LARS2: variants seen among roughly 807,000 people sequenced by gnomAD.
LARS2 encodes leucine--tRNA ligase, mitochondrial.
A neutral mutation model predicts 116.6 loss-of-function variants in LARS2; 81 were observed. That is an observed-to-expected ratio of 0.69 (90% CI 0.58 to 0.84). The LOEUF (loss-of-function observed/expected upper bound fraction) is 0.84. Ranked by LOEUF, LARS2 falls within the 40% of genes least tolerant of loss-of-function variation. The pLI is 0.00. For synonymous variants in LARS2, 396 were observed against 407.2 expected, an observed-to-expected ratio of 0.97 and a Z score of 0.33; for missense variants, 968 against 1,114.5, an observed-to-expected ratio of 0.87 and a Z score of 1.87.
At chr3:45,427,903 C>T (rs1487586969) in intron 6 of LARS2, among the ~76,000 whole-genome samples, 1 of 150,148 alleles carries the variant, frequency 6.7e-6, no homozygotes, top group East Asian at 2.0e-4. Flanking sequence ...CTCACTGCAA[C>T]CTCTGCCTCC....
chr3:45,402,177 C>T (rs1019511823), intron 4 of LARS2, among the ~76,000 whole-genome samples: 1 of 152,138 alleles, frequency 6.6e-6, no homozygotes, highest in African/African-American at 2.4e-5. Context: ...AAAATAGTAC[C>T]TGCCCCATTG....
intron 4 of LARS2, among the ~76,000 whole-genome samples, chr3:45,408,367 A>G (rs1357180082): frequency 6.6e-6 from 1 of 152,242 alleles, no homozygotes; most frequent in Non-Finnish European, 1.5e-5. Context: ...CTGGTCTTCC[A>G]TGGTAACAGC....
At chr3:45,400,435 A>G in intron 4 of LARS2, 62 bp downstream of exon 4, 1 of 1,517,598 alleles carries the variant, frequency 6.6e-7, no homozygotes, top group Non-Finnish European at 8.9e-7. Flanking sequence ...GCATGTAGTA[A>G]TATGTGTTCA....
chr3:45,462,772 A>G (rs1314452978), intron 8 of LARS2, among the ~76,000 whole-genome samples: 1 of 152,184 alleles, frequency 6.6e-6, no homozygotes, highest in Non-Finnish European at 1.5e-5. Context: ...TCTTGGGCGC[A>G]TGGCTGTGAA....
At chr3:45,438,178 C>T (rs1192112119) in intron 6 of LARS2, among the ~76,000 whole-genome samples, 1 of 152,108 alleles carries the variant, frequency 6.6e-6, no homozygotes, top group Non-Finnish European at 1.5e-5. Context: ...GTTGTTATTA[C>T]TGTTGTCATT....
Position 45,491,752 on chromosome 3 carries a change from G to GC in LARS2, c.1481dup (p.Leu495ThrfsTer31), listed in dbSNP as rs762797278. 2 of 1,613,866 alleles carry GC rather than the reference G, an allele frequency of 1.2e-6. No homozygotes were observed. Among genetic ancestry groups the GC allele is most frequent in the Non-Finnish European group, 1.7e-6 (2 of 1,179,820 alleles). ...ATCGCGTCTTTCACTGGCAAGGGAG[G>GC]CCCCCCACTGGCCATGGCTTCAGAG... On this transcript the variant is annotated frameshift_variant, in exon 13 of 22. Coordinates refer to ENST00000645846, the MANE Select transcript of LARS2 (RefSeq NM_015340.4). LOFTEE classifies it high-confidence loss of function.
At chr3:45,517,060 A>G (rs910915026) in intron 17 of LARS2, among the ~76,000 whole-genome samples, 1 of 152,166 alleles carries the variant, frequency 6.6e-6, no homozygotes, top group African/African-American at 2.4e-5. Flanking sequence ...TTGATTTCCA[A>G]CTAGCTGTGG....
chr3:45,419,825 G>C, intron 6 of LARS2, 96 bp downstream of exon 6: 1 of 973,066 alleles, frequency 1.0e-6, no homozygotes, highest in Non-Finnish European at 1.7e-6. Context: ...AGAAGGCAAG[G>C]GTGGGAGGCA....
chr3:45,477,064 T>C (rs1450886451), intron 10 of LARS2, among the ~76,000 whole-genome samples: 1 of 152,228 alleles, frequency 6.6e-6, no homozygotes, highest in African/African-American at 2.4e-5. Context: ...CTCAATTTTA[T>C]TGTTTTAAAG....
chr3:45,412,825 T>C (rs1244769923), intron 4 of LARS2, among the ~76,000 whole-genome samples: 3 of 152,260 alleles, frequency 2.0e-5, no homozygotes, highest in African/African-American at 7.2e-5. Flanking sequence ...TTTCAGTGGG[T>C]CACATCCACC....
chr3:45,437,832 T>C (rs567115221), intron 6 of LARS2, among the ~76,000 whole-genome samples: 27 of 142,352 alleles, frequency 1.9e-4, no homozygotes, highest in African/African-American at 6.5e-4. Context: ...GTACTTGGAA[T>C]ACATCGGTGG....
intron 7 of LARS2, among the ~76,000 whole-genome samples, chr3:45,448,109 A>C (rs913323670): frequency 3.3e-5 from 5 of 152,130 alleles, no homozygotes; most frequent in African/African-American, 1.2e-4. Flanking sequence ...AATTAGTCCC[A>C]GTTACTCAAG....
At chr3:45,477,447 C>G (rs910219545) in intron 10 of LARS2, among the ~76,000 whole-genome samples, 4 of 152,224 alleles carry the variant, frequency 2.6e-5, no homozygotes, top group Non-Finnish European at 5.9e-5. Flanking sequence ...CAAGACTCCT[C>G]TTGCAGGGAA....
chr3:45,430,518 G>C (rs755536537), intron 6 of LARS2, among the ~76,000 whole-genome samples: 52 of 149,648 alleles, frequency 3.5e-4, no homozygotes, highest in Non-Finnish European at 6.8e-4. Flanking sequence ...CTGACCTCGT[G>C]ATCTGCCCGC....
chr3:45,436,667 G>A (rs1383756067), intron 6 of LARS2, among the ~76,000 whole-genome samples: 1 of 151,804 alleles, frequency 6.6e-6, no homozygotes, highest in Non-Finnish European at 1.5e-5. Context: ...GGTGGCGGGC[G>A]CCTGTAGTCC....
chr3:45,420,201 C>T (rs1284405109), intron 6 of LARS2, among the ~76,000 whole-genome samples: 1 of 152,228 alleles, frequency 6.6e-6, no homozygotes, highest in Non-Finnish European at 1.5e-5. Context: ...TCAAACTGTA[C>T]ATTAAATCAG....
chr3:45,510,323 A>T (rs1459399288), intron 15 of LARS2, among the ~76,000 whole-genome samples: 3 of 151,978 alleles, frequency 2.0e-5, no homozygotes, highest in Non-Finnish European at 4.4e-5. Flanking sequence ...GTAAGGTGGG[A>T]ATATCACTTG....
chr3:45,442,285 A>C (rs1177382153), intron 6 of LARS2, among the ~76,000 whole-genome samples: 1 of 152,186 alleles, frequency 6.6e-6, no homozygotes, highest in Admixed American at 6.5e-5. Flanking sequence ...CCACAGACAC[A>C]GGGTTCCCCC....
rs547573751 is a variant in LARS2 at position 45,476,352 on chromosome 3, A to G, written c.859-116A>G. On this transcript the variant is annotated intron_variant, in intron 9 of 21. Transcript: ENST00000645846. Reference sequence around the variant, plus strand: ...TCCCCACACCCCTGGCCCAGTGGTCAGAGCTGTGGTCACTGTTGGGGAATG... The same window carrying G: ...TCCCCACACCCCTGGCCCAGTGGTCGGAGCTGTGGTCACTGTTGGGGAATG... 1.1e-4 allele frequency: 118 copies of G among 1,095,818 alleles called. No individual in the cohort carries two copies. In the East Asian group the frequency reaches 2.6e-3, roughly 24 times the overall value. 67.9% of individuals were successfully genotyped at this position (1,095,818 alleles called of 1,614,324 possible).
Sources: allele counts gnomAD v4.1 joint callset (sites outside exome capture counted in the v4.1 genomes callset), GRCh38; gene constraint gnomAD v4.1.1; transcripts MANE v1.5; gene names NCBI Gene and HGNC (gene_info 2026-07-23, HGNC 2026-07-21).